SLC24A2: variants seen among roughly 807,000 people sequenced by gnomAD.
SLC24A2 encodes the protein sodium/potassium/calcium exchanger 2.
A neutral mutation model predicts 62.0 loss-of-function variants in SLC24A2; 36 were observed. That is an observed-to-expected ratio of 0.58 (90% CI 0.44 to 0.77). The LOEUF is 0.77. Among genes scored for constraint, SLC24A2 ranks in the 30% least tolerant of loss-of-function variants. SLC24A2 has a pLI of 0.00. For synonymous variants in SLC24A2, 358 were observed against 294.0 expected (o/e 1.22, Z -2.23); for missense variants, 846 against 817.9 (o/e 1.03, Z -0.42).
At chr9:19,562,664 C>T (rs1016621008) in intron 7 of SLC24A2, among the ~76,000 whole-genome samples, 18 of 152,120 alleles carry the variant, frequency 1.2e-4, no homozygotes, top group Non-Finnish European at 2.5e-4. Context: ...AAATTGCCTT[C>T]AGAAAATGGA....
At chr9:19,664,326 T>G (rs1366383467) in intron 2 of SLC24A2, among the ~76,000 whole-genome samples, 2 of 152,224 alleles carry the variant, frequency 1.3e-5, no homozygotes, top group Admixed American at 1.3e-4. Context: ...GAAGTTAGCT[T>G]ACAAATAAAT....
At chr9:19,586,780 T>C (rs771298290) in intron 5 of SLC24A2, among the ~76,000 whole-genome samples, 9 of 152,146 alleles carry the variant, frequency 5.9e-5, no homozygotes, top group Non-Finnish European at 8.8e-5. Context: ...ACCTGCTTCA[T>C]TGTTTTAGGA....
chr9:19,547,707 C>A (rs536920936), intron 8 of SLC24A2, among the ~76,000 whole-genome samples: 10 of 151,602 alleles, frequency 6.6e-5, no homozygotes, highest in Non-Finnish European at 1.5e-4. Context: ...CCAATCTGCC[C>A]CCATCTTCTG....
chr9:19,962,343 G>A, the SLC24A2 span, among the ~76,000 whole-genome samples: 1 of 152,194 alleles, frequency 6.6e-6, no homozygotes, highest in Non-Finnish European at 1.5e-5. Flanking sequence ...ACTTGGCGAT[G>A]CGGGCTCTTT....
chr9:20,233,153 G>A, the SLC24A2 span, among the ~76,000 whole-genome samples: 489 of 152,264 alleles, frequency 3.2e-3, 1 homozygote, highest in African/African-American at 0.011. Context: ...CAACTATGTG[G>A]TCAATTTTGT....
chr9:19,909,108 T>C, the SLC24A2 span, among the ~76,000 whole-genome samples: 1 of 152,032 alleles, frequency 6.6e-6, no homozygotes, highest in African/African-American at 2.4e-5. Context: ...ATAGACTGGA[T>C]TAAGAAAATG....
the SLC24A2 span, among the ~76,000 whole-genome samples, chr9:20,205,492 C>CA: frequency 2.7e-4 from 40 of 149,786 alleles, 2 homozygotes; most frequent in East Asian, 2.1e-3. Flanking sequence ...ACTAAAAATA[C>CA]AAAAAAAAAT....
At chr9:20,177,609 A>C in the SLC24A2 span, among the ~76,000 whole-genome samples, 1 of 152,246 alleles carries the variant, frequency 6.6e-6, no homozygotes, top group African/African-American at 2.4e-5. Flanking sequence ...GGGGAACCAA[A>C]GTGTATCCTG....
the SLC24A2 span, among the ~76,000 whole-genome samples, chr9:19,966,925 G>A: frequency 6.6e-6 from 1 of 152,142 alleles, no homozygotes; most frequent in Non-Finnish European, 1.5e-5. Context: ...TGATATTACT[G>A]TGAGACCAAT....
chr9:19,679,876 G>C (rs948104715), intron 2 of SLC24A2, among the ~76,000 whole-genome samples: 3 of 148,942 alleles, frequency 2.0e-5, no homozygotes, highest in Admixed American at 6.7e-5. Flanking sequence ...GTGTGTGTGT[G>C]TGTGTGTCTG....
chr9:20,006,950 C>T, the SLC24A2 span, among the ~76,000 whole-genome samples: 1 of 152,138 alleles, frequency 6.6e-6, no homozygotes, highest in South Asian at 2.1e-4. Context: ...TATCAAGGAC[C>T]TATAACAAAA....
upstream of SLC24A2, among the ~76,000 whole-genome samples, chr9:19,791,961 AG>A (rs1823324707): frequency 6.6e-6 from 1 of 152,244 alleles, no homozygotes; most frequent in Non-Finnish European, 1.5e-5. Context: ...TGGTATTACC[AG>A]TTAAGAACAA....
upstream of SLC24A2, among the ~76,000 whole-genome samples, chr9:19,792,536 CAAAAAAAA>C (rs1165695410): frequency 5.0e-4 from 37 of 74,612 alleles, no homozygotes; most frequent in African/African-American, 1.1e-3. Context: ...ACTAAAAATA[CAAAAAAAA>C]AAAAAAAAAA....
the SLC24A2 span, among the ~76,000 whole-genome samples, chr9:19,802,139 T>C: frequency 6.6e-6 from 1 of 152,208 alleles, no homozygotes; most frequent in African/African-American, 2.4e-5. Flanking sequence ...CCCTGATATA[T>C]GGGCCACCTG....
At chr9:20,070,922 G>A in the SLC24A2 span, among the ~76,000 whole-genome samples, 1 of 152,192 alleles carries the variant, frequency 6.6e-6, no homozygotes, top group African/African-American at 2.4e-5. Context: ...GGTGTTGGAG[G>A]TGGGGCCCGG....
At chr9:19,845,021 T>A in the SLC24A2 span, among the ~76,000 whole-genome samples, 3 of 152,006 alleles carry the variant, frequency 2.0e-5, no homozygotes, top group Non-Finnish European at 4.4e-5. Context: ...CCATATAAAT[T>A]TTAGAATAGC....
chr9:19,921,122 A>C, the SLC24A2 span, among the ~76,000 whole-genome samples: 3 of 151,546 alleles, frequency 2.0e-5, no homozygotes, highest in African/African-American at 4.8e-5. Context: ...TGCCACCAAC[A>C]GTGCACCTGT....
chr9:19,663,118 A>G (rs2118254409), intron 2 of SLC24A2, among the ~76,000 whole-genome samples: 1 of 152,360 alleles, frequency 6.6e-6, no homozygotes, highest in East Asian at 1.9e-4. Flanking sequence ...TTCCTGGAAT[A>G]GGAAAGGGAA....
the SLC24A2 span, among the ~76,000 whole-genome samples, chr9:19,818,804 A>T: frequency 6.6e-6 from 1 of 152,166 alleles, no homozygotes; most frequent in African/African-American, 2.4e-5. Context: ...CACAGTCCCC[A>T]TCAAAATACC....
Sources: allele counts gnomAD v4.1 joint callset (sites outside exome capture counted in the v4.1 genomes callset), GRCh38; gene constraint gnomAD v4.1.1; transcripts MANE v1.5; gene names NCBI Gene and HGNC (gene_info 2026-07-23, HGNC 2026-07-21).